ZNF705B: variants seen among roughly 807,000 people sequenced by gnomAD.
ZNF705B encodes Putative zinc finger protein 705D-like protein LOC100132396.
A neutral mutation model predicts 10.5 loss-of-function variants in ZNF705B; 1 was observed. The ratio of observed to expected loss-of-function variants is 0.10; its 90% CI spans 0.03 to 0.45. The LOEUF (loss-of-function observed/expected upper bound fraction) is 0.45, where lower values mean the gene tolerates loss of function less well. ZNF705B is among the 20% of genes least tolerant of loss of function. ZNF705B has a pLI of 0.97. For missense variants in ZNF705B, 14 were observed against 84.0 expected (o/e 0.17, Z 3.26); for synonymous variants, 4 against 25.4 (o/e 0.16, Z 2.53).
At chr8:7,927,990 A>C (rs1200646777) in intron 1 of ZNF705B, among the ~76,000 whole-genome samples, 5 of 137,556 alleles carry the variant, frequency 3.6e-5, no homozygotes, top group African/African-American at 1.3e-4. Flanking sequence ...TTCCTGCCTT[A>C]GTCCATTTGG....
chr8:7,941,023 TC>T (rs1412927531), intron 2 of ZNF705B, among the ~76,000 whole-genome samples: 2 of 149,482 alleles, frequency 1.3e-5, no homozygotes, highest in Admixed American at 1.3e-4. Context: ...ATGATCTCAT[TC>T]CTTTTTATGG....
At chr8:7,931,132 T>C (rs142978936) in intron 2 of ZNF705B, among the ~76,000 whole-genome samples, 2,656 of 112,940 alleles carry the variant, frequency 0.024, 111 homozygotes, top group African/African-American at 0.068. Context: ...GGATTACAGG[T>C]GTGAGTCAGG....
chr8:7,927,784 G>T (rs1460967213), intron 1 of ZNF705B, among the ~76,000 whole-genome samples: 36 of 148,148 alleles, frequency 2.4e-4, no homozygotes, highest in Middle Eastern at 7.5e-3. Flanking sequence ...AAAAAAAATT[G>T]TCTCTATTTT....
At position 7,932,606 on chromosome 8, in the gene ZNF705B, A is replaced by G. The variant is rs1329537406; in HGVS notation, c.-72+2170A>G. 1.6e-5 allele frequency among the ~76,000 whole-genome samples: 2 copies of G among 121,716 alleles called. 1 individual carries two copies. Among genetic ancestry groups the G allele is most frequent in the Non-Finnish European group, 3.9e-5 (2 of 50,746 alleles). The allele number at this position is 121,716 out of a possible 152,430, so 79.9% of individuals were successfully genotyped here. A position where few individuals can be genotyped will look rare whatever the true frequency, so the allele number is the denominator to read the frequency against. On this transcript the variant is annotated intron_variant, in intron 2 of 6. Coordinates refer to ENST00000400120, the MANE Select transcript of ZNF705B (RefSeq NM_001193630.1). ...GTTGGTGATGCAGTTTCAAAAATGC[A>G]CTGAGGAAAACTTGGCACTTCCATA...
chr8:7,938,025 C>A (rs1167978392), intron 2 of ZNF705B, among the ~76,000 whole-genome samples: 2 of 131,286 alleles, frequency 1.5e-5, no homozygotes, highest in African/African-American at 5.1e-5. Context: ...TTGGGCCAAT[C>A]CAAGAAGTCC....
chr8:7,930,712 G>A (rs1159206011), intron 2 of ZNF705B, among the ~76,000 whole-genome samples: 2 of 111,204 alleles, frequency 1.8e-5, no homozygotes, highest in Non-Finnish European at 4.3e-5. Flanking sequence ...TTAATAGTAG[G>A]CATCACAGCT....
rs865781244 is a variant in ZNF705B at position 7,929,271 on chromosome 8, G to C, written c.-221-1016G>C. Among the ~76,000 whole-genome samples, 17 of 121,396 alleles carry C rather than the reference G, an allele frequency of 1.4e-4. 1 individual carries two copies. Among genetic ancestry groups the C allele is most frequent in the African/African-American group, 4.3e-4 (17 of 39,924 alleles). The allele number at this position is 121,396 out of a possible 152,430, so 79.6% of individuals were successfully genotyped here. On this transcript the variant is annotated intron_variant, in intron 1 of 6. Transcript: ENST00000400120. ...TTCAAAATGCAATTTTAATCAAAAT[G>C]CAATTTTAAAATAGCTGCCCTTACA... is the stretch of plus-strand genomic sequence containing the variant.
chr8:7,928,350 C>T lies in ZNF705B; in HGVS notation c.-221-1937C>T, dbSNP rs1353207501. Among the ~76,000 whole-genome samples, 2 of 121,000 alleles carry T rather than the reference C, an allele frequency of 1.7e-5. 1 individual carries two copies. The highest frequency in any genetic ancestry group is 1.9e-4 in the Admixed American group (2 of 10,630). The allele number at this position is 121,000 out of a possible 152,430, so 79.4% of individuals were successfully genotyped here. ...GCCACAGCACTTCCTTACCTCCTTCCTCCCTCCGTCAATTTATTCATTCAT... is the reference window on the plus strand; with the variant it reads ...GCCACAGCACTTCCTTACCTCCTTCTTCCCTCCGTCAATTTATTCATTCAT... On this transcript the variant is annotated intron_variant, in intron 1 of 6. Transcript: ENST00000400120.
At chr8:7,930,849 T>TC in intron 2 of ZNF705B, among the ~76,000 whole-genome samples, 1 of 105,718 alleles carries the variant, frequency 9.5e-6, no homozygotes, top group African/African-American at 2.6e-5. Flanking sequence ...TTTTTTTGTT[T>TC]TTTTTTTTGT....
chr8:7,929,205 G>T (rs1246755449), intron 1 of ZNF705B, among the ~76,000 whole-genome samples: 7 of 121,848 alleles, frequency 5.7e-5, no homozygotes, highest in Admixed American at 9.2e-5. Context: ...ATCCATAGAT[G>T]TGTGGAAAGA....
chr8:7,932,145 C>A (rs1278530355), intron 2 of ZNF705B, among the ~76,000 whole-genome samples: 6 of 121,180 alleles, frequency 5.0e-5, no homozygotes, highest in African/African-American at 1.5e-4. Context: ...TCAGGGCCTG[C>A]AAGGGCTGAG....
rs1275528525 is a variant in ZNF705B at position 7,932,647 on chromosome 8, G to A, written c.-72+2211G>A. On this transcript the variant is annotated intron_variant, in intron 2 of 6. Coordinates refer to ENST00000400120, the MANE Select transcript of ZNF705B (RefSeq NM_001193630.1). The stretch of plus-strand genomic sequence containing the variant: ...CACTTCCATAGGGTTGAGTTGGTTG[G>A]AATATATCTCAGTCTCTGAGATTTT... 6.6e-5 allele frequency among the ~76,000 whole-genome samples: 8 copies of A among 121,406 alleles called. 3 individuals are homozygous for A. The highest frequency in any genetic ancestry group is 1.6e-4 in the Non-Finnish European group (8 of 50,592). 79.6% of individuals were successfully genotyped at this position (121,406 alleles called of 152,430 possible).
At chr8:7,929,877 A>G (rs1227532726) in intron 1 of ZNF705B, among the ~76,000 whole-genome samples, 1 of 14,178 alleles carries the variant, frequency 7.1e-5, no homozygotes, top group Non-Finnish European at 1.4e-3. Flanking sequence ...ACATACATGT[A>G]GAAATTGGCT....
Position 7,926,867 on chromosome 8 carries a change from A to G in ZNF705B, c.-222+470A>G, listed in dbSNP as rs1445976720. ...AGAGATGTGTTCCTTTATTCAAAAA[A>G]TATTATCTTTCTTTTTTAGCAAGAA... On this transcript the variant is annotated intron_variant, in intron 1 of 6. Coordinates refer to ENST00000400120, the MANE Select transcript of ZNF705B (RefSeq NM_001193630.1). 6.1e-5 allele frequency among the ~76,000 whole-genome samples: 7 copies of G among 114,144 alleles called. 1 individual carries two copies. The East Asian group carries it at 1.5e-3, about 25-fold the overall frequency. The allele number at this position is 114,144 out of a possible 152,430, so 74.9% of individuals were successfully genotyped here.
chr8:7,940,616 G>T (rs1820124404), intron 2 of ZNF705B, among the ~76,000 whole-genome samples: 1 of 142,606 alleles, frequency 7.0e-6, no homozygotes, highest in African/African-American at 2.6e-5. Flanking sequence ...AGGGCCCCTG[G>T]CAACCACCAT....
intron 1 of ZNF705B, among the ~76,000 whole-genome samples, chr8:7,929,590 A>G (rs545175259): frequency 8.1e-6 from 1 of 123,604 alleles, no homozygotes; most frequent in East Asian, 2.3e-4. Context: ...ATCTGTAATC[A>G]TGAGTCCATA....
In ZNF705B at chr8:7,936,921, A is replaced by G. The variant is rs544279418; in HGVS notation, c.-72+6485A>G. On this transcript the variant is annotated intron_variant, in intron 2 of 6. Coordinates refer to ENST00000400120, the MANE Select transcript of ZNF705B (RefSeq NM_001193630.1). The stretch of plus-strand genomic sequence containing the variant: ...TTACAAAAGACTTTTTAAAATTATG[A>G]TGTACCATTGTTCATTTGTAAGAAT... Among the ~76,000 whole-genome samples the G allele has an allele frequency of 5.7e-3, 678 of 119,966 alleles. 189 individuals carry two copies. The highest frequency in any genetic ancestry group is 0.052 in the South Asian group (184 of 3,568). The allele number at this position is 119,966 out of a possible 152,430, so 78.7% of individuals were successfully genotyped here.
At chr8:7,944,703 G>A (rs1395266451) in intron 2 of ZNF705B, among the ~76,000 whole-genome samples, 1 of 88,596 alleles carries the variant, frequency 1.1e-5, no homozygotes, top group Non-Finnish European at 2.5e-5. Context: ...GGGCACGGTG[G>A]CTTACGCCTG....
intron 3 of ZNF705B, among the ~76,000 whole-genome samples, chr8:7,948,192 G>A (rs1464083487): frequency 2.2e-4 from 4 of 17,918 alleles, no homozygotes; most frequent in African/African-American, 3.4e-4. Flanking sequence ...TACAATTTAG[G>A]GTTCTGTGGA....
Sources: allele counts gnomAD v4.1 joint callset (sites outside exome capture counted in the v4.1 genomes callset), GRCh38; gene constraint gnomAD v4.1.1; transcripts MANE v1.5; gene names NCBI Gene and HGNC (gene_info 2026-07-23, HGNC 2026-07-21).